KBTBD12: variants seen among roughly 807,000 people sequenced by gnomAD.
KBTBD12 encodes kelch repeat and BTB domain containing 12.
KBTBD12 carries 53 observed loss-of-function variants against 58.7 expected under a neutral mutation model. The ratio of observed to expected loss-of-function variants is 0.90; its 90% CI spans 0.72 to 1.14. The LOEUF is 1.14. KBTBD12 is among the 50% of genes most tolerant of loss of function. The pLI, the probability that KBTBD12 is intolerant of heterozygous loss-of-function variation, is 0.00. For missense variants in KBTBD12, 704 were observed against 751.3 expected (o/e 0.94, Z 0.74); for synonymous variants, 236 against 259.8 (o/e 0.91, Z 0.88).
Position 127,923,723 on chromosome 3 carries a change from G to C in KBTBD12, c.662G>C (p.Arg221Thr), listed in dbSNP as rs912167950. Residue 221 changes from arginine (R) to threonine (T), a missense_variant, in exon 2 of 6, where the codon AGA becomes ACA. Coordinates refer to ENST00000405109, the MANE Select transcript of KBTBD12 (RefSeq NM_207335.4). ...CTTGTTGAGCTTTTGAAGCAAGTCAGATTGGAACTTGTAAATCCTTCTTTT... is the reference window on the plus strand; with the variant it reads ...CTTGTTGAGCTTTTGAAGCAAGTCACATTGGAACTTGTAAATCCTTCTTTT... ...VHLVELLKQVRLELVNPSFLR... is the reference protein window; with the variant it reads ...VHLVELLKQVTLELVNPSFLR... 6.2e-7 allele frequency: 1 copy of C among 1,613,872 alleles called. No homozygotes were observed. Among genetic ancestry groups the C allele is most frequent in the Non-Finnish European group, 8.5e-7 (1 of 1,179,822 alleles).
intron 5 of KBTBD12, among the ~76,000 whole-genome samples, chr3:127,980,314 TTTTA>T (rs1308053754): frequency 6.6e-6 from 1 of 152,150 alleles, no homozygotes; most frequent in Non-Finnish European, 1.5e-5. Context: ...CATTGGGTTA[TTTTA>T]TTTATTTATT....
At chr3:127,955,211 T>C (rs1358842843) in intron 4 of KBTBD12, among the ~76,000 whole-genome samples, 2 of 152,256 alleles carry the variant, frequency 1.3e-5, no homozygotes, top group Non-Finnish European at 2.9e-5. Flanking sequence ...TTCATTTCCC[T>C]GTCTAGGGAG....
chr3:127,923,418 G>A lies in KBTBD12; in HGVS notation c.357G>A (p.Val119=), dbSNP rs1018905370. 6.2e-7 allele frequency: 1 copy of A among 1,612,860 alleles called. No homozygotes were observed. The highest frequency in any genetic ancestry group is 8.5e-7 in the Non-Finnish European group (1 of 1,179,778). ...TGCAGATGGAAGAAGTCTTCAGTGT[G>A]TGTCAAAAATATATGATGGACCACA... is the stretch of plus-strand genomic sequence containing the variant. ...YFMQMEEVFS[V]CQKYMMDHMD... is the part of the protein sequence containing the mutation. Residue 119 remains valine, a synonymous_variant, in exon 2 of 6, where the codon GTG becomes GTA. Coordinates refer to ENST00000405109, the MANE Select transcript of KBTBD12 (RefSeq NM_207335.4).
rs919247465 is a variant in KBTBD12, at chr3:127,979,276, C to T, written c.1691-4821C>T. Among the ~76,000 whole-genome samples the T allele has an allele frequency of 2.6e-5, 4 of 152,096 alleles. No individual in the cohort carries two copies. The South Asian group carries it at 8.3e-4, about 32-fold the overall frequency. ...GAGAAGACAATCAACAGATACTAAC[C>T]CCAAGATGGCACAGATTTTGAAATA... is the stretch of plus-strand genomic sequence containing the variant. On this transcript the variant is annotated intron_variant, in intron 5 of 5. Transcript: ENST00000405109.
In KBTBD12 at chr3:127,986,295, G is replaced by A. The variant is rs545658642; in HGVS notation, c.*2017G>A. ...AAAATATTAATACATACTTTATAGG[G>A]TTGGTATGAGGATTAAGTGCTGAGC... On this transcript the variant is annotated 3_prime_UTR_variant, in exon 6 of 6. Coordinates refer to ENST00000405109, the MANE Select transcript of KBTBD12 (RefSeq NM_207335.4). 6.6e-6 allele frequency: 1 copy of A among 152,560 alleles called. No homozygotes were observed. Among genetic ancestry groups the A allele is most frequent in the African/African-American group, 2.4e-5 (1 of 41,410 alleles). The allele number at this position is 152,560 out of a possible 1,614,324, so 9.5% of individuals were successfully genotyped here. A position where few individuals can be genotyped will look rare whatever the true frequency, so the allele number is the denominator to read the frequency against.
At position 127,923,658 on chromosome 3, in the gene KBTBD12, G is replaced by C. The variant is rs1439688549; in HGVS notation, c.597G>C (p.Leu199=). Residue 199 remains leucine, a synonymous_variant, in exon 2 of 6, where the codon CTG becomes CTC. Transcript: ENST00000405109. ...AAGAGAGCATTCTGGACTTAGTTCT[G>C]AGATGGGTAAATCATAACAAAGAAT... The part of the protein sequence containing the change: ...SREESILDLV[L]RWVNHNKELR... 4 of 1,613,756 alleles carry C rather than the reference G, an allele frequency of 2.5e-6. No homozygotes were observed. The highest frequency in any genetic ancestry group is 3.4e-6 in the Non-Finnish European group (4 of 1,179,794).
intron 3 of KBTBD12, among the ~76,000 whole-genome samples, chr3:127,929,556 T>C (rs1939654015): frequency 6.6e-6 from 1 of 152,120 alleles, no homozygotes; most frequent in South Asian, 2.1e-4. Context: ...ATAAAATAAG[T>C]ATGTTAAAAT....
intron 5 of KBTBD12, among the ~76,000 whole-genome samples, chr3:127,977,282 T>A (rs1383771534): frequency 6.6e-6 from 1 of 152,218 alleles, no homozygotes; most frequent in Non-Finnish European, 1.5e-5. Flanking sequence ...TGTGAATAGT[T>A]CTGCAGTGAT....
chr3:127,945,064 T>C (rs2107600913), intron 4 of KBTBD12, among the ~76,000 whole-genome samples: 1 of 151,406 alleles, frequency 6.6e-6, no homozygotes, highest in South Asian at 2.1e-4. Flanking sequence ...TATTTGTTTT[T>C]GCTGTTGTTG....
Position 127,930,292 on chromosome 3 carries a change from A to C in KBTBD12, c.1492+9A>C, listed in dbSNP as rs375621675. ...TGAGATTTATGTTTTGGGTAAGAAG[A>C]AGCAGATTGCTAACAGTATAACTAC... is the stretch of plus-strand genomic sequence containing the variant. On this transcript the variant is annotated intron_variant, in intron 4 of 5. Coordinates refer to ENST00000405109, the MANE Select transcript of KBTBD12 (RefSeq NM_207335.4). 6.8e-6 allele frequency: 11 copies of C among 1,609,858 alleles called. No homozygotes were observed. The highest frequency in any genetic ancestry group is 1.7e-4 in the Middle Eastern group (1 of 6,060).
intron 4 of KBTBD12, among the ~76,000 whole-genome samples, chr3:127,955,796 G>C (rs1475698385): frequency 2.0e-5 from 3 of 152,124 alleles, no homozygotes; most frequent in African/African-American, 7.2e-5. Context: ...CCAGGCCCTG[G>C]GCTGGCTTTT....
chr3:127,931,205 T>C (rs1002720847), intron 4 of KBTBD12, among the ~76,000 whole-genome samples: 3 of 152,050 alleles, frequency 2.0e-5, no homozygotes, highest in African/African-American at 4.8e-5. Flanking sequence ...AGTATTATCA[T>C]GATGATTTTT....
chr3:127,935,726 A>G (rs1387186595), intron 4 of KBTBD12, among the ~76,000 whole-genome samples: 1 of 152,184 alleles, frequency 6.6e-6, no homozygotes, highest in Non-Finnish European at 1.5e-5. Context: ...ATAGCCAGTC[A>G]TTATCAAAAA....
At position 127,965,927 on chromosome 3, in the gene KBTBD12, C is replaced by T. The variant is rs116715698; in HGVS notation, c.1690+2541C>T. 1.0e-2 allele frequency among the ~76,000 whole-genome samples: 1,516 copies of T among 152,274 alleles called. 11 individuals are homozygous for T. Among genetic ancestry groups the T allele is most frequent in the Non-Finnish European group, 0.012 (818 of 68,012 alleles). On this transcript the variant is annotated intron_variant, in intron 5 of 5. Transcript: ENST00000405109. ...AACCCTGATTTGTAACCTGGAACCC[C>T]AGATAATCTCAGGAGTTGGCAACAA...
chr3:127,934,700 A>T (rs2107595663), intron 4 of KBTBD12, among the ~76,000 whole-genome samples: 1 of 152,324 alleles, frequency 6.6e-6, no homozygotes, highest in East Asian at 1.9e-4. Context: ...AAACAAGAGT[A>T]TACTTAACAG....
rs1939622110 is a variant in KBTBD12, at chr3:127,928,197, A to T, written c.1341+163A>T. 8.2e-6 allele frequency: 5 copies of T among 607,712 alleles called. No homozygotes were observed. The Admixed American group carries it at 1.5e-4, about 18-fold the overall frequency. The allele number at this position is 607,712 out of a possible 1,614,324, so 37.6% of individuals were successfully genotyped here. A position where few individuals can be genotyped will look rare whatever the true frequency, so the allele number is the denominator to read the frequency against. On this transcript the variant is annotated intron_variant, in intron 3 of 5. Transcript: ENST00000405109. ...ACTCAAGGTTTTAAAGTGTTAAAGCAATTTAGGAGAATGGATTTTTAAAGT... is the reference window on the plus strand; with the variant it reads ...ACTCAAGGTTTTAAAGTGTTAAAGCTATTTAGGAGAATGGATTTTTAAAGT...
At chr3:127,964,640 C>CAAAAAAAAA (rs34230294) in intron 5 of KBTBD12, among the ~76,000 whole-genome samples, 1 of 111,142 alleles carries the variant, frequency 9.0e-6, no homozygotes, top group Non-Finnish European at 1.9e-5. Context: ...GACTCCATCT[C>CAAAAAAAAA]AAAAAAAAAA....
Position 127,924,029 on chromosome 3 carries a change from T to C in KBTBD12, c.968T>C (p.Val323Ala), listed in dbSNP as rs754803136. Residue 323 changes from valine (V) to alanine (A), a missense_variant, in exon 2 of 6, where the codon GTG becomes GCG. Physicochemically the swap from Val to Ala is moderately conservative, Grantham distance 64. Transcript: ENST00000405109. ...SPKYGEGLGT[V>A]CTGVVMENNT... ...AAGTACGGAGAGGGTTTAGGAACTG[T>C]GTGTACTGGTGTTGTCATGGAAAAT... is the stretch of plus-strand genomic sequence containing the variant. The C allele has an allele frequency of 1.9e-6, 3 of 1,613,784 alleles. No individual in the cohort carries two copies. The highest frequency in any genetic ancestry group is 2.5e-6 in the Non-Finnish European group (3 of 1,179,728).
intron 5 of KBTBD12, among the ~76,000 whole-genome samples, chr3:127,980,322 A>G (rs1940851190): frequency 6.6e-6 from 1 of 152,020 alleles, no homozygotes; most frequent in Non-Finnish European, 1.5e-5. Context: ...TATTTTATTT[A>G]TTTATTTTTT....
Sources: allele counts gnomAD v4.1 joint callset (sites outside exome capture counted in the v4.1 genomes callset), GRCh38; gene constraint gnomAD v4.1.1; transcripts MANE v1.5; gene names NCBI Gene and HGNC (gene_info 2026-07-23, HGNC 2026-07-21).